The following CPQ variants were observed in gnomAD, a reference collection of about 807,000 sequenced individuals.
CPQ encodes the protein carboxypeptidase Q, also known as Ser-Met dipeptidase.
CPQ carries 37 observed loss-of-function variants against 45.7 expected under a neutral mutation model. The observed-to-expected ratio is 0.81, with a 90% CI of 0.62 to 1.07. The LOEUF (loss-of-function observed/expected upper bound fraction) is 1.07, where lower values mean the gene tolerates loss of function less well. CPQ is among the 50% of genes least tolerant of loss of function. The pLI is 0.00. For missense variants in CPQ, 537 were observed against 572.9 expected (o/e 0.94, Z 0.64); for synonymous variants, 186 against 205.8 (o/e 0.90, Z 0.82).
rs1563519541 is a variant in CPQ, at chr8:96,879,915, C to A, written c.759C>A (p.Val253=). ...SRMASHGIKI[V]IQLKMGAKTY... is the part of the protein sequence containing the mutation. ...TGGCTTCTCATGGGATCAAAATTGT[C>A]ATTCAGCTAAAGATGGGGGCAAAGA... Residue 253 remains valine (V), a synonymous_variant, in exon 4 of 8, where the codon GTC becomes GTA. Coordinates refer to ENST00000220763, the MANE Select transcript of CPQ (RefSeq NM_016134.4). 6.2e-7 allele frequency: 1 copy of A among 1,614,012 alleles called. No homozygotes were observed. Among genetic ancestry groups the A allele is most frequent in the Non-Finnish European group, 8.5e-7 (1 of 1,179,954 alleles).
chr8:96,659,720 A>G (rs1239283324), intron 1 of CPQ, among the ~76,000 whole-genome samples: 1 of 152,188 alleles, frequency 6.6e-6, no homozygotes, highest in African/African-American at 2.4e-5. Flanking sequence ...TGTGTCTGAA[A>G]TACAGGGTAC....
At chr8:96,646,415 G>T (rs1815520573) in intron 1 of CPQ, among the ~76,000 whole-genome samples, 1 of 152,196 alleles carries the variant, frequency 6.6e-6, no homozygotes, top group Non-Finnish European at 1.5e-5. Flanking sequence ...AGAACCATAT[G>T]ACTCTGACTT....
chr8:96,691,930 G>C (rs985897395), intron 1 of CPQ, among the ~76,000 whole-genome samples: 1 of 152,104 alleles, frequency 6.6e-6, no homozygotes, highest in East Asian at 1.9e-4. Context: ...AGTGAAAATA[G>C]GTTGAGTGTA....
intron 4 of CPQ, among the ~76,000 whole-genome samples, chr8:96,963,934 C>G (rs1238869970): frequency 6.6e-6 from 1 of 152,006 alleles, no homozygotes; most frequent in East Asian, 1.9e-4. Flanking sequence ...TATCTGGCTT[C>G]TTTCATTCTT....
chr8:96,746,182 C>T (rs950450537), intron 1 of CPQ, among the ~76,000 whole-genome samples: 4 of 152,246 alleles, frequency 2.6e-5, no homozygotes, highest in Admixed American at 1.3e-4. Context: ...AGGAGAAAAA[C>T]AAGTCATGTG....
chr8:97,029,258 A>C (rs1809852199), intron 5 of CPQ, 145 bp from the exon 6 acceptor site: 1 of 719,748 alleles, frequency 1.4e-6, no homozygotes, highest in Non-Finnish European at 2.3e-6. Flanking sequence ...TGCTGGCCAT[A>C]CCCTGAAGGA....
intron 6 of CPQ, among the ~76,000 whole-genome samples, chr8:97,060,311 G>C (rs1441938603): frequency 6.6e-6 from 1 of 152,096 alleles, no homozygotes; most frequent in East Asian, 1.9e-4. Flanking sequence ...TAACCAAATT[G>C]TTCTTTGGCA....
chr8:96,877,859 C>T (rs919855262), intron 3 of CPQ, among the ~76,000 whole-genome samples: 3 of 152,190 alleles, frequency 2.0e-5, no homozygotes, highest in African/African-American at 7.2e-5. Flanking sequence ...TTATATGCAT[C>T]CCAGGGATTT....
intron 4 of CPQ, among the ~76,000 whole-genome samples, chr8:96,956,575 T>C (rs1042010329): frequency 6.6e-6 from 1 of 152,156 alleles, no homozygotes; most frequent in African/African-American, 2.4e-5. Flanking sequence ...TTTAGGTATA[T>C]ATACATAATA....
intron 7 of CPQ, among the ~76,000 whole-genome samples, chr8:97,116,272 C>T (rs148616005): frequency 6.6e-6 from 1 of 152,272 alleles, no homozygotes; most frequent in Non-Finnish European, 1.5e-5. Context: ...CTGAATTCCT[C>T]AGGACAGTGT....
chr8:96,910,684 T>A (rs1362093119), intron 4 of CPQ, among the ~76,000 whole-genome samples: 1 of 152,106 alleles, frequency 6.6e-6, no homozygotes, highest in Non-Finnish European at 1.5e-5. Flanking sequence ...TTTTGTATAT[T>A]TAGTAGAGAC....
chr8:97,055,157 G>C (rs1810432146), intron 6 of CPQ, among the ~76,000 whole-genome samples: 1 of 152,124 alleles, frequency 6.6e-6, no homozygotes, highest in Admixed American at 6.6e-5. Flanking sequence ...TCATCTTGAA[G>C]ATCCCCTGGT....
At chr8:96,832,606 G>A (rs1029897060) in intron 2 of CPQ, among the ~76,000 whole-genome samples, 5 of 152,120 alleles carry the variant, frequency 3.3e-5, no homozygotes, top group East Asian at 3.9e-4. Flanking sequence ...AGAGAAGGGC[G>A]GTACCTGATC....
chr8:96,835,236 A>C (rs1811515158), intron 3 of CPQ, 56 bp downstream of exon 3: 2 of 1,332,536 alleles, frequency 1.5e-6, no homozygotes, highest in Admixed American at 5.7e-5. Context: ...TCCGTGAAGG[A>C]AAAGTCCTTA....
intron 7 of CPQ, among the ~76,000 whole-genome samples, chr8:97,112,793 G>A (rs756271411): frequency 2.6e-5 from 4 of 152,234 alleles, no homozygotes; most frequent in South Asian, 2.1e-4. Flanking sequence ...TGCTGATGGC[G>A]TACATGGAGG....
rs544356308 is a variant in CPQ at position 96,937,422 on chromosome 8, A to G, written c.850-28513A>G. On this transcript the variant is annotated intron_variant, in intron 4 of 7. Transcript: ENST00000220763. Reference sequence around the variant, plus strand: ...CACCCCCAGCTTCAGGTGCTCAGATAGAGTCCAGTCCAGTAGTCATAGCAT... The same window carrying G: ...CACCCCCAGCTTCAGGTGCTCAGATGGAGTCCAGTCCAGTAGTCATAGCAT... 2.0e-5 allele frequency among the ~76,000 whole-genome samples: 3 copies of G among 152,244 alleles called. No homozygotes were observed. The South Asian group carries it at 6.2e-4, about 32-fold the overall frequency.
chr8:96,842,016 AT>A (rs1745422481), intron 3 of CPQ, among the ~76,000 whole-genome samples: 1 of 152,242 alleles, frequency 6.6e-6, no homozygotes, highest in Admixed American at 6.5e-5. Flanking sequence ...TTTATAAAAC[AT>A]TCTTCATGTT....
At chr8:96,821,826 A>G (rs1563505584) in intron 2 of CPQ, among the ~76,000 whole-genome samples, 1 of 151,992 alleles carries the variant, frequency 6.6e-6, no homozygotes, top group South Asian at 2.1e-4. Context: ...TTTGTACTGT[A>G]CAAGTGTGAT....
At chr8:96,776,358 G>A (rs963913086) in intron 1 of CPQ, among the ~76,000 whole-genome samples, 1 of 152,144 alleles carries the variant, frequency 6.6e-6, no homozygotes, top group Non-Finnish European at 1.5e-5. Context: ...TCCTGTTCAG[G>A]AATGGAGGGT....
Sources: gnomAD v4.1 joint callset for allele counts (sites outside exome capture counted in the v4.1 genomes callset) on GRCh38, gnomAD v4.1.1 for gene constraint, MANE v1.5 for transcripts, NCBI Gene and HGNC (gene_info 2026-07-23, HGNC 2026-07-21) for gene names.